The following COL22A1 variants were observed in gnomAD, a reference collection of about 807,000 sequenced individuals.
COL22A1 encodes the protein collagen alpha-1(XXII) chain.
Under a neutral mutation model 248.9 loss-of-function variants are expected in COL22A1, and 221 were observed. The ratio of observed to expected loss-of-function variants is 0.89; its 90% CI spans 0.80 to 0.99. COL22A1 has a LOEUF of 0.99. Among genes scored for constraint, COL22A1 ranks in the 50% least tolerant of loss-of-function variants. The probability of loss-of-function intolerance (pLI) is 0.00; values close to 1 mark genes in which losing one functional copy is unlikely to be tolerated. For synonymous variants in COL22A1, 891 were observed against 793.4 expected (o/e 1.12, Z -2.07); for missense variants, 2,240 against 2,179.0 (o/e 1.03, Z -0.56).
chr8:138,607,854 G>A, intron 57 of COL22A1, 82 bp downstream of exon 57: 5 of 1,349,098 alleles, frequency 3.7e-6, no homozygotes, highest in Non-Finnish European at 4.2e-6. Context: ...TAGGGACAGA[G>A]GCTGGACAAT....
At chr8:138,755,920 G>A in intron 18 of COL22A1, 91 bp from the exon 19 acceptor site, 1 of 1,061,188 alleles carries the variant, frequency 9.4e-7, no homozygotes, top group South Asian at 1.3e-5. Flanking sequence ...TGTGGGCCCA[G>A]GGGACCACAC....
At chr8:138,878,382 T>G in intron 2 of COL22A1, 66 bp from the exon 3 acceptor site, 5 of 1,304,454 alleles carry the variant, frequency 3.8e-6, no homozygotes, top group Non-Finnish European at 4.1e-6. Flanking sequence ...TCCTGGGGTA[T>G]ACAGGTCACT....
intron 13 of COL22A1, 107 bp downstream of exon 13, chr8:138,780,820 A>G (rs940509959): frequency 2.2e-6 from 2 of 895,678 alleles, no homozygotes; most frequent in African/African-American, 3.3e-5. Context: ...GTCCCCACTC[A>G]AGTCTGGCCC....
At chr8:138,852,290 A>G (rs890677274) in intron 3 of COL22A1, among the ~76,000 whole-genome samples, 1 of 151,786 alleles carries the variant, frequency 6.6e-6, no homozygotes, top group African/African-American at 2.4e-5. Flanking sequence ...GGTCGGGGGG[A>G]AGGGATGATG....
chr8:138,676,577 A>T lies in COL22A1; in HGVS notation c.3131T>A (p.Ile1044Asn). Reference sequence around the variant, plus strand: ...ACTTACAGGAGGGCCAGCAACCCCAATGCCTGGGTCACCACGGCTGCCAGG... The same window carrying T: ...ACTTACAGGAGGGCCAGCAACCCCATTGCCTGGGTCACCACGGCTGCCAGG... ...GSPGSRGDPG[I>N]GVAGPPGPSG... is the part of the protein sequence containing the mutation. Residue 1044 changes from isoleucine to asparagine, a missense_variant, in exon 41 of 65, where the codon ATT (isoleucine) becomes AAT (asparagine). Transcript: ENST00000303045. 1 of 1,566,378 alleles carries T rather than the reference A, an allele frequency of 6.4e-7. No individual in the cohort carries two copies. Among genetic ancestry groups the T allele is most frequent in the Admixed American group, 1.9e-5 (1 of 52,480 alleles).
chr8:138,742,652 T>G, intron 22 of COL22A1, among the ~76,000 whole-genome samples: 2 of 138,844 alleles, frequency 1.4e-5, no homozygotes, highest in African/African-American at 2.8e-5. Flanking sequence ...GATGGTGGAG[T>G]TGATGGTGAT....
chr8:138,771,332 C>A (rs1297999507), intron 16 of COL22A1, among the ~76,000 whole-genome samples: 1 of 152,186 alleles, frequency 6.6e-6, no homozygotes, highest in Non-Finnish European at 1.5e-5. Flanking sequence ...GCCTGGTAAC[C>A]CACAGATGGG....
chr8:138,619,851 A>T lies in COL22A1; in HGVS notation c.3772-343T>A, dbSNP rs116645088. 6.5e-3 allele frequency among the ~76,000 whole-genome samples: 985 copies of T among 152,250 alleles called. 9 individuals are homozygous for T. Among genetic ancestry groups the T allele is most frequent in the African/African-American group, 0.023 (946 of 41,526 alleles). ...GACGACTTTATGCCCACTTGCAAAAACCATGTCAAGGCCGCTATTAACACT... is the reference window on the plus strand; with the variant it reads ...GACGACTTTATGCCCACTTGCAAAATCCATGTCAAGGCCGCTATTAACACT... On this transcript the variant is annotated intron_variant, in intron 52 of 64. Transcript: ENST00000303045.
chr8:138,844,949 CA>C (rs56957004), intron 3 of COL22A1, among the ~76,000 whole-genome samples: 2,871 of 49,322 alleles, frequency 0.058, 26 homozygotes, highest in African/African-American at 0.086. Flanking sequence ...GACTCCATCT[CA>C]AAAAAAAAAA....
chr8:138,614,263 C>T (rs1013224781), intron 55 of COL22A1, among the ~76,000 whole-genome samples: 11 of 152,294 alleles, frequency 7.2e-5, no homozygotes, highest in South Asian at 2.1e-4. Flanking sequence ...ATTCGCTAGA[C>T]GGTGACCTGG....
intron 11 of COL22A1, among the ~76,000 whole-genome samples, chr8:138,801,704 C>T (rs1817014149): frequency 6.6e-6 from 1 of 152,132 alleles, no homozygotes; most frequent in Non-Finnish European, 1.5e-5. Flanking sequence ...CGTGGTGAAA[C>T]TCCATCTCTA....
Position 138,589,332 on chromosome 8 carries a change from G to A in COL22A1, c.4802C>T (p.Pro1601Leu), listed in dbSNP as rs974691796. 2 of 1,612,840 alleles carry A rather than the reference G, an allele frequency of 1.2e-6. No homozygotes were observed. The highest frequency in any genetic ancestry group is 1.7e-6 in the Non-Finnish European group (2 of 1,179,414). The change falls in exon 65 of 65, where the codon CCC becomes CTC. Residue 1601 changes from proline to leucine, a missense_variant. Physicochemically the swap from Pro to Leu is moderately conservative, Grantham distance 98. Transcript: ENST00000303045. ...CTGGGAAGGGTCACATTGGCCTGGG[G>A]GACCGGGAGGTCCTGGGAGGCCAGG... ...GHPGLPGPPG[P>L]PGQCDPSQCA... is the part of the protein sequence containing the mutation.
At chr8:138,887,473 C>A (rs1366408114) in intron 1 of COL22A1, among the ~76,000 whole-genome samples, 1 of 152,206 alleles carries the variant, frequency 6.6e-6, no homozygotes, top group Non-Finnish European at 1.5e-5. Context: ...CCGCCTCGGC[C>A]TCCCAAAGGG....
chr8:138,772,186 G>C (rs1429127905), intron 16 of COL22A1, among the ~76,000 whole-genome samples: 1 of 152,246 alleles, frequency 6.6e-6, no homozygotes, highest in Non-Finnish European at 1.5e-5. Context: ...CTTGGTTCCT[G>C]CATCGTCTCT....
At chr8:138,656,608 AG>A (rs1823293603) in intron 44 of COL22A1, among the ~76,000 whole-genome samples, 2 of 152,210 alleles carry the variant, frequency 1.3e-5, no homozygotes, top group South Asian at 4.1e-4. Context: ...AACCCAAGAC[AG>A]GGTGAAGGCT....
chr8:138,704,940 C>A (rs186355071), intron 30 of COL22A1, among the ~76,000 whole-genome samples: 453 of 152,238 alleles, frequency 3.0e-3, no homozygotes, highest in Non-Finnish European at 4.4e-3. Context: ...CCTTAAATAA[C>A]CTGATGGAGC....
At chr8:138,593,123 A>G (rs1390986547) in intron 63 of COL22A1, among the ~76,000 whole-genome samples, 1 of 152,210 alleles carries the variant, frequency 6.6e-6, no homozygotes, top group African/African-American at 2.4e-5. Context: ...AGGAACAGGA[A>G]GCCAAACACG....
chr8:138,699,711 G>A (rs4560831), intron 32 of COL22A1, among the ~76,000 whole-genome samples: 151,242 of 152,260 alleles, frequency 0.99, 75,124 homozygotes, highest in Middle Eastern at 1. Flanking sequence ...TGACACCCCT[G>A]TCTCTGGTCT....
At chr8:138,725,796 CACAT>C (rs1247047235) in intron 23 of COL22A1, among the ~76,000 whole-genome samples, 2 of 147,370 alleles carry the variant, frequency 1.4e-5, no homozygotes, top group Admixed American at 6.8e-5. Flanking sequence ...CACACACACA[CACAT>C]AGTCTGACCC....
Sources: gnomAD v4.1 joint callset for allele counts (sites outside exome capture counted in the v4.1 genomes callset) on GRCh38, gnomAD v4.1.1 for gene constraint, MANE v1.5 for transcripts, NCBI Gene and HGNC (gene_info 2026-07-23, HGNC 2026-07-21) for gene names.